Variants in ZNF366 observed in about 807,000 individuals in gnomAD.
ZNF366 encodes the protein dendritic cell-specific transcript protein.
ZNF366 carries 20 observed loss-of-function variants against 47.2 expected under a neutral mutation model. The observed-to-expected ratio is 0.42, with a 90% CI of 0.30 to 0.62. ZNF366 has a LOEUF of 0.62. ZNF366 is among the 20% of genes least tolerant of loss of function. The probability of loss-of-function intolerance (pLI) is 0.16; values close to 1 mark genes in which losing one functional copy is unlikely to be tolerated. For synonymous variants in ZNF366, 421 were observed against 395.1 expected, an observed-to-expected ratio of 1.07 and a Z score of -0.78; for missense variants, 987 against 976.3, an observed-to-expected ratio of 1.01 and a Z score of -0.15.
At chr5:72,478,849 A>G (rs1247695389) in intron 1 of ZNF366, among the ~76,000 whole-genome samples, 1 of 152,226 alleles carries the variant, frequency 6.6e-6, no homozygotes, top group African/African-American at 2.4e-5. Context: ...CTGGGAAGAC[A>G]TTGGCCTCTA....
chr5:72,467,951 G>A (rs949204753), intron 1 of ZNF366, among the ~76,000 whole-genome samples: 1 of 152,178 alleles, frequency 6.6e-6, no homozygotes, highest in African/African-American at 2.4e-5. Flanking sequence ...CTACAGGAAG[G>A]CAGAGGAGGA....
intron 1 of ZNF366, chr5:72,472,678 G>A: frequency 3.0e-6 from 2 of 661,556 alleles, no homozygotes; most frequent in Non-Finnish European, 3.7e-6. Flanking sequence ...GATTAATCCA[G>A]TTTCTCCATT....
chr5:72,498,129 C>T lies in ZNF366; in HGVS notation c.-15+9122G>A, dbSNP rs190865174. Among the ~76,000 whole-genome samples, 573 of 150,314 alleles carry T rather than the reference C, an allele frequency of 3.8e-3. 15 individuals carry two copies. The East Asian group carries it at 0.075, about 20-fold the overall frequency. The stretch of plus-strand genomic sequence containing the variant: ...GAAAGGCCCTTCCTACTCTGCGATT[C>T]GAAAAAAAAATATCTCTACAGTTGT... On this transcript the variant is annotated intron_variant, in intron 1 of 4. Coordinates refer to ENST00000318442, the MANE Select transcript of ZNF366 (RefSeq NM_152625.3).
rs34375286 is a variant in ZNF366 at position 72,503,530 on chromosome 5, TAC to T, written c.-15+3719_-15+3720del. On this transcript the variant is annotated intron_variant, in intron 1 of 4. Transcript: ENST00000318442. Reference sequence around the variant, plus strand: ...AAACAAGCCCGTAGGTGAATTCTAATACACACACACACACACACACACACACG... The same window carrying T: ...AAACAAGCCCGTAGGTGAATTCTAATACACACACACACACACACACACACG... Among the ~76,000 whole-genome samples the T allele has an allele frequency of 7.6e-3, 1,122 of 148,288 alleles. 14 individuals carry two copies. Among genetic ancestry groups the T allele is most frequent in the African/African-American group, 0.019 (773 of 40,670 alleles).
chr5:72,486,396 C>T (rs1005018108), intron 1 of ZNF366, among the ~76,000 whole-genome samples: 9 of 152,186 alleles, frequency 5.9e-5, no homozygotes, highest in African/African-American at 2.2e-4. Flanking sequence ...CCCAATCTTA[C>T]AGCTCAGTTC....
rs1477290804 is a variant in ZNF366 at position 72,442,691 on chromosome 5, T to G, written c.*1065A>C. On this transcript the variant is annotated 3_prime_UTR_variant, in exon 5 of 5. Coordinates refer to ENST00000318442, the MANE Select transcript of ZNF366 (RefSeq NM_152625.3). ...TTTTTTTTGAGGCAGAGTCTCACTC[T>G]GTCACCCAGGCTGTAGTGCAGTAGC... 6.7e-6 allele frequency: 1 copy of G among 149,172 alleles called. No homozygotes were observed. Among genetic ancestry groups the G allele is most frequent in the Non-Finnish European group, 1.5e-5 (1 of 67,714 alleles). The allele number at this position is 149,172 out of a possible 1,614,324, so 9.2% of individuals were successfully genotyped here.
chr5:72,469,297 A>T (rs894780523), intron 1 of ZNF366, among the ~76,000 whole-genome samples: 19 of 152,212 alleles, frequency 1.2e-4, no homozygotes, highest in African/African-American at 4.6e-4. Context: ...CAACTCTGTA[A>T]TTTGTCAAAA....
At chr5:72,485,005 T>C (rs970987890) in intron 1 of ZNF366, among the ~76,000 whole-genome samples, 3 of 152,226 alleles carry the variant, frequency 2.0e-5, no homozygotes, top group Admixed American at 1.3e-4. Context: ...TATAATTCAG[T>C]ACTCATCATT....
At chr5:72,501,289 G>T (rs1744205913) in intron 1 of ZNF366, among the ~76,000 whole-genome samples, 1 of 152,124 alleles carries the variant, frequency 6.6e-6, no homozygotes, top group Non-Finnish European at 1.5e-5. Flanking sequence ...GAATATAGGA[G>T]AATTGCCCAG....
intron 1 of ZNF366, among the ~76,000 whole-genome samples, chr5:72,494,605 A>AT (rs57920640): frequency 0.038 from 5,229 of 137,324 alleles, 205 homozygotes; most frequent in African/African-American, 0.1. Flanking sequence ...GCTGTCAGAG[A>AT]TTTTTTTTTT....
In ZNF366 at chr5:72,460,519, G is replaced by A. The variant is rs776533433; in HGVS notation, c.978C>T (p.Arg326=). ...KAFTQTSHLK[R]HMMQHSEVKP... is the part of the protein sequence containing the mutation. ...TCACCTCGCTGTGCTGCATCATGTGGCGCTTCAGGTGGCTGGTCTGGGTGA... is the reference window on the plus strand; with the variant it reads ...TCACCTCGCTGTGCTGCATCATGTGACGCTTCAGGTGGCTGGTCTGGGTGA... The change falls in exon 2 of 5, where the codon CGC becomes CGT. Residue 326 remains arginine, a synonymous_variant. Transcript: ENST00000318442. 2.5e-6 allele frequency: 4 copies of A among 1,613,978 alleles called. No homozygotes were observed. The Admixed American group carries it at 5.0e-5, about 20-fold the overall frequency.
chr5:72,460,041 G>A (rs978290384), intron 2 of ZNF366, 124 bp downstream of exon 2: 8 of 1,325,922 alleles, frequency 6.0e-6, no homozygotes, highest in South Asian at 3.0e-5. Context: ...CCGCTTGTCC[G>A]GGGTTGCCCA....
Position 72,460,983 on chromosome 5 carries a change from T to A in ZNF366, c.514A>T (p.Thr172Ser), listed in dbSNP as rs991405723. The A allele has an allele frequency of 3.2e-5, 52 of 1,613,568 alleles. No individual in the cohort carries two copies. The highest frequency in any genetic ancestry group is 4.2e-5 in the Non-Finnish European group (50 of 1,179,896). ...ACTTTGGGGTAGTAGGGGTAGGGCG[T>A]GGGCAGGAATGGAGTGGGCGTTGGC... is the stretch of plus-strand genomic sequence containing the variant. ...PQPTPTPFLP[T>S]PYPYYPKVHP... Residue 172 changes from threonine (T) to serine (S), a missense_variant, in exon 2 of 5, where the codon ACG (threonine) becomes TCG (serine). Transcript: ENST00000318442.
intron 2 of ZNF366, among the ~76,000 whole-genome samples, chr5:72,456,870 G>T (rs1179410719): frequency 1.3e-5 from 2 of 152,192 alleles, no homozygotes; most frequent in East Asian, 1.9e-4. Flanking sequence ...TGCTGCTGGG[G>T]TTAAGTCTCC....
At chr5:72,477,839 CG>C (rs1432355443) in intron 1 of ZNF366, among the ~76,000 whole-genome samples, 1 of 151,852 alleles carries the variant, frequency 6.6e-6, no homozygotes, top group African/African-American at 2.4e-5. Flanking sequence ...CATAAACAAA[CG>C]GAAGTGGCTG....
At chr5:72,504,449 A>G (rs1216264943) in intron 1 of ZNF366, among the ~76,000 whole-genome samples, 5 of 152,328 alleles carry the variant, frequency 3.3e-5, no homozygotes, top group Non-Finnish European at 5.9e-5. Context: ...TTATCCCGAG[A>G]CAAACTTTCC....
intron 1 of ZNF366, among the ~76,000 whole-genome samples, chr5:72,479,237 A>T (rs2112342477): frequency 6.6e-6 from 1 of 152,206 alleles, no homozygotes; most frequent in East Asian, 1.9e-4. Context: ...AAAGTCAGAA[A>T]CTAGGAAGGT....
At chr5:72,476,003 A>C (rs927370298) in intron 1 of ZNF366, among the ~76,000 whole-genome samples, 1 of 152,176 alleles carries the variant, frequency 6.6e-6, no homozygotes, top group Non-Finnish European at 1.5e-5. Context: ...TGACCACTCT[A>C]AAGTTACAAA....
In ZNF366 at chr5:72,444,045, G is replaced by A; in HGVS notation, c.1946C>T (p.Ser649Phe). The change falls in exon 5 of 5, where the codon TCC becomes TTC. Residue 649 changes from serine (S) to phenylalanine (F), a missense_variant. Ser to Phe is a radical substitution (Grantham distance 155). Transcript: ENST00000318442. ...SQQLCTPEDL[S>F]TKSEHAPEVL... is the part of the protein sequence containing the mutation. Reference sequence around the variant, plus strand: ...CTCGGGGGCGTGCTCCGACTTGGTGGACAGATCCTCGGGTGTGCAGAGCTG... The same window carrying A: ...CTCGGGGGCGTGCTCCGACTTGGTGAACAGATCCTCGGGTGTGCAGAGCTG... 1 of 1,614,160 alleles carries A rather than the reference G, an allele frequency of 6.2e-7. No individual in the cohort carries two copies. Among genetic ancestry groups the A allele is most frequent in the Non-Finnish European group, 8.5e-7 (1 of 1,180,032 alleles).
Sources: gnomAD v4.1 joint callset for allele counts (sites outside exome capture counted in the v4.1 genomes callset) on GRCh38, gnomAD v4.1.1 for gene constraint, MANE v1.5 for transcripts, NCBI Gene and HGNC (gene_info 2026-07-23, HGNC 2026-07-21) for gene names.